Variants in PAK1IP1 observed in about 807,000 individuals in gnomAD.
PAK1IP1 encodes PAK1 interacting protein 1.
PAK1IP1 carries 24 observed loss-of-function variants against 42.0 expected under a neutral mutation model. The observed-to-expected ratio is 0.57, with a 90% CI of 0.41 to 0.80. The LOEUF is 0.80. Ranked by LOEUF, PAK1IP1 falls within the 30% of genes least tolerant of loss-of-function variation. PAK1IP1 has a pLI of 0.00. For synonymous variants in PAK1IP1, 154 were observed against 156.7 expected, an observed-to-expected ratio of 0.98 and a Z score of 0.13; for missense variants, 411 against 467.9, an observed-to-expected ratio of 0.88 and a Z score of 1.12.
At chr6:10,705,851 T>C (rs370645554) in intron 7 of PAK1IP1, among the ~76,000 whole-genome samples, 264 of 152,318 alleles carry the variant, frequency 1.7e-3, no homozygotes, top group African/African-American at 6.0e-3. Flanking sequence ...TTTTAAGAAA[T>C]CCATACTTAG....
intron 2 of PAK1IP1, among the ~76,000 whole-genome samples, chr6:10,700,029 A>G (rs116554951): frequency 6.6e-6 from 1 of 152,188 alleles, no homozygotes; most frequent in African/African-American, 2.4e-5. Context: ...CCAGTTTAAA[A>G]AAAGCAAACA....
chr6:10,699,767 C>T (rs1407749551), intron 2 of PAK1IP1, among the ~76,000 whole-genome samples: 2 of 152,168 alleles, frequency 1.3e-5, no homozygotes, highest in South Asian at 2.1e-4. Flanking sequence ...AAATTTGCAG[C>T]GATAAATGGC....
intron 8 of PAK1IP1, among the ~76,000 whole-genome samples, chr6:10,708,676 C>T (rs1270473480): frequency 6.6e-6 from 1 of 151,942 alleles, no homozygotes; most frequent in African/African-American, 2.4e-5. Context: ...TGCTATTCCT[C>T]CCCCTGCCCC....
At chr6:10,702,939 T>C (rs1480543088) in intron 4 of PAK1IP1, among the ~76,000 whole-genome samples, 1 of 152,128 alleles carries the variant, frequency 6.6e-6, no homozygotes, top group African/African-American at 2.4e-5. Flanking sequence ...CCCAAGTAGC[T>C]GGAACTACAG....
In PAK1IP1 at chr6:10,704,522, A is replaced by G. The variant is rs2127480906; in HGVS notation, c.512A>G (p.Glu171Gly). Reference protein sequence around the residue: ...KNIKQNAHIVEWSPRGEQYVV... With the variant: ...KNIKQNAHIVGWSPRGEQYVV... ...CCACTTACAGATGCTCACATAGTAG[A>G]ATGGTCCCCAAGAGGAGAGCAGTAT... Residue 171 changes from glutamate to glycine, a missense_variant, in exon 6 of 10, where the codon GAA becomes GGA. Glu to Gly is a moderately conservative substitution (Grantham distance 98). Transcript: ENST00000379568. 1 of 1,590,678 alleles carries G rather than the reference A, an allele frequency of 6.3e-7. No homozygotes were observed. Among genetic ancestry groups the G allele is most frequent in the South Asian group, 1.1e-5 (1 of 87,994 alleles).
rs1358005224 is a variant in PAK1IP1, at chr6:10,704,501, T to A, written c.497-6T>A. On this transcript the variant is annotated splice_polypyrimidine_tract_variant and splice_region_variant and intron_variant, in intron 5 of 9. Coordinates refer to ENST00000379568, the MANE Select transcript of PAK1IP1 (RefSeq NM_017906.3). Reference sequence around the variant, plus strand: ...ATAAATAAACTTCGTTTTTTTCCACTTACAGATGCTCACATAGTAGAATGG... The same window carrying A: ...ATAAATAAACTTCGTTTTTTTCCACATACAGATGCTCACATAGTAGAATGG... 1 of 1,539,426 alleles carries A rather than the reference T, an allele frequency of 6.5e-7. No homozygotes were observed. The highest frequency in any genetic ancestry group is 2.1e-5 in the Admixed American group (1 of 46,654).
chr6:10,702,128 TACTC>T (rs2127480082), intron 2 of PAK1IP1, among the ~76,000 whole-genome samples: 1 of 151,786 alleles, frequency 6.6e-6, no homozygotes, highest in South Asian at 2.1e-4. Context: ...TAGTCCCAGT[TACTC>T]AGGAGGCTGA....
At chr6:10,704,979 G>C in intron 7 of PAK1IP1, 135 bp downstream of exon 7, 1 of 654,018 alleles carries the variant, frequency 1.5e-6, no homozygotes, top group African/African-American at 1.8e-5. Flanking sequence ...ACAGTATATG[G>C]TATCTGTAGT....
upstream of PAK1IP1, among the ~76,000 whole-genome samples, chr6:10,691,763 A>G (rs1343316806): frequency 6.6e-6 from 1 of 152,156 alleles, no homozygotes; most frequent in Non-Finnish European, 1.5e-5. Context: ...CCAGATTAGT[A>G]ACACCTGGAC....
At chr6:10,709,203 G>C in intron 9 of PAK1IP1, 35 bp from the exon 10 acceptor site, 1 of 1,564,878 alleles carries the variant, frequency 6.4e-7, no homozygotes, top group Non-Finnish European at 8.7e-7. Context: ...GGGGAAAACA[G>C]TCTTTTTTTA....
intron 2 of PAK1IP1, 147 bp downstream of exon 2, chr6:10,697,633 C>A: frequency 1.6e-6 from 1 of 620,522 alleles, no homozygotes; most frequent in Non-Finnish European, 2.7e-6. Flanking sequence ...CTTAGCCTGG[C>A]ACAATGGCTC....
intron 2 of PAK1IP1, among the ~76,000 whole-genome samples, chr6:10,699,325 G>A (rs1272585914): frequency 1.3e-5 from 2 of 152,034 alleles, no homozygotes; most frequent in Non-Finnish European, 2.9e-5. Flanking sequence ...ATGGGAAGAT[G>A]TGAGCTTGTG....
intron 1 of PAK1IP1, among the ~76,000 whole-genome samples, chr6:10,696,310 A>T (rs1314749446): frequency 6.6e-6 from 1 of 152,228 alleles, no homozygotes; most frequent in Non-Finnish European, 1.5e-5. Context: ...CTTGATTCAA[A>T]GGAGGCCCCC....
chr6:10,695,564 TA>T (rs1307555570), intron 1 of PAK1IP1, among the ~76,000 whole-genome samples: 1 of 152,190 alleles, frequency 6.6e-6, no homozygotes, highest in East Asian at 1.9e-4. Context: ...GATCTTGCCT[TA>T]GAGACGTTGC....
intron 6 of PAK1IP1, 22 bp from the exon 7 acceptor site, chr6:10,704,725 T>G: frequency 6.2e-7 from 1 of 1,600,400 alleles, no homozygotes; most frequent in Non-Finnish European, 8.6e-7. Context: ...TGGATGTTAT[T>G]ACTCTTTTTC....
chr6:10,702,559 TTA>T lies in PAK1IP1; in HGVS notation c.369-3_369-2del. 1 of 1,614,038 alleles carries T rather than the reference TTA, an allele frequency of 6.2e-7. No individual in the cohort carries two copies. Among genetic ancestry groups the T allele is most frequent in the Middle Eastern group, 1.6e-4 (1 of 6,062 alleles). ...AGTTGGGGACTAACTTTTGGTTTCA[TTA>T]TAGAGGACAGGTGACCTTCCTTTCT... On this transcript the variant is annotated splice_polypyrimidine_tract_variant and splice_region_variant and intron_variant, in intron 3 of 9. Coordinates refer to ENST00000379568, the MANE Select transcript of PAK1IP1 (RefSeq NM_017906.3).
At chr6:10,691,834 GTTTT>G (rs530591718), upstream of PAK1IP1, among the ~76,000 whole-genome samples, 2 of 151,018 alleles carry the variant, frequency 1.3e-5, no homozygotes, top group African/African-American at 2.4e-5. Flanking sequence ...AAGTTTTGGG[GTTTT>G]TTTTTCTTTT....
upstream of PAK1IP1, among the ~76,000 whole-genome samples, chr6:10,691,740 T>C (rs12665162): frequency 0.016 from 2,445 of 152,266 alleles, 50 homozygotes; most frequent in African/African-American, 0.045. Flanking sequence ...CCCTGAAATT[T>C]ATCCAGGAAC....
At chr6:10,692,087 G>T (rs1389256189), upstream of PAK1IP1, among the ~76,000 whole-genome samples, 1 of 152,112 alleles carries the variant, frequency 6.6e-6, no homozygotes, top group African/African-American at 2.4e-5. Context: ...TGTCCCTGGG[G>T]TAAGGAGACA....
Sources: allele counts gnomAD v4.1 joint callset (sites outside exome capture counted in the v4.1 genomes callset), GRCh38; gene constraint gnomAD v4.1.1; transcripts MANE v1.5; gene names NCBI Gene and HGNC (gene_info 2026-07-23, HGNC 2026-07-21).